The following VSIG10 variants were observed in gnomAD, a reference collection of about 807,000 sequenced individuals.
The protein encoded by VSIG10 is V-set and immunoglobulin domain containing 10.
VSIG10 carries 48 observed loss-of-function variants against 58.7 expected under a neutral mutation model. That is an observed-to-expected ratio of 0.82 (90% CI 0.65 to 1.04). VSIG10 has a LOEUF of 1.04. VSIG10 is among the 50% of genes least tolerant of loss of function. The pLI is 0.00. For synonymous variants in VSIG10, 260 were observed against 267.1 expected, an observed-to-expected ratio of 0.97 and a Z score of 0.26; for missense variants, 628 against 670.0, an observed-to-expected ratio of 0.94 and a Z score of 0.69.
At chr12:118,083,412 T>C (rs546287390) in intron 2 of VSIG10, among the ~76,000 whole-genome samples, 1 of 151,802 alleles carries the variant, frequency 6.6e-6, no homozygotes, top group African/African-American at 2.4e-5. Flanking sequence ...ATCATGTCTC[T>C]ACAAAAAATA....
At chr12:118,079,662 T>C (rs1289011467) in intron 3 of VSIG10, 56 bp from the exon 4 acceptor site, 2 of 1,595,568 alleles carry the variant, frequency 1.3e-6, no homozygotes, top group Non-Finnish European at 1.7e-6. Context: ...GATCAGCCAC[T>C]GGACTGGCTC....
rs1406721263 is a variant in VSIG10 at position 118,064,271 on chromosome 12, G to A, written c.*2368C>T. 1 of 152,200 alleles carries A rather than the reference G, an allele frequency of 6.6e-6. No homozygotes were observed. The highest frequency in any genetic ancestry group is 1.5e-5 in the Non-Finnish European group (1 of 68,054). The allele number at this position is 152,200 out of a possible 1,614,324, so 9.4% of individuals were successfully genotyped here. A position where few individuals can be genotyped will look rare whatever the true frequency, so the allele number is the denominator to read the frequency against. On this transcript the variant is annotated 3_prime_UTR_variant, in exon 9 of 9. Transcript: ENST00000359236. ...GATATGTGACAGCAGTCACAGCTCA[G>A]CTGGTCAAAGGTTTATAGTGTTTGA... is the stretch of plus-strand genomic sequence containing the variant.
At chr12:118,080,292 G>T (rs571752188) in intron 3 of VSIG10, among the ~76,000 whole-genome samples, 14 of 151,260 alleles carry the variant, frequency 9.3e-5, no homozygotes, top group Non-Finnish European at 1.9e-4. Context: ...GAGCTACCGC[G>T]CCCAGCCTCA....
intron 1 of VSIG10, among the ~76,000 whole-genome samples, chr12:118,097,370 C>T (rs753910324): frequency 1.2e-4 from 19 of 152,274 alleles, no homozygotes; most frequent in Non-Finnish European, 2.1e-4. Context: ...TTCCAGCACG[C>T]TGGGAGGCCG....
At chr12:118,096,563 A>G (rs2033464426) in intron 1 of VSIG10, among the ~76,000 whole-genome samples, 1 of 141,924 alleles carries the variant, frequency 7.0e-6, no homozygotes, top group Non-Finnish European at 1.5e-5. Context: ...GGGCAACAAG[A>G]GCGTAACTCC....
At chr12:118,070,819 T>G in intron 7 of VSIG10, 1 of 578,392 alleles carries the variant, frequency 1.7e-6, no homozygotes, top group Non-Finnish European at 3.1e-6. Context: ...TTGCAGAAAT[T>G]ACTTCACTGA....
At position 118,080,850 on chromosome 12, in the gene VSIG10, G is replaced by C. The variant is rs778849039; in HGVS notation, c.665-1244C>G. On this transcript the variant is annotated intron_variant, in intron 3 of 8. Coordinates refer to ENST00000359236, the MANE Select transcript of VSIG10 (RefSeq NM_019086.6). ...ACCCACAGGGACAGAATGCGGATTG[G>C]GGGTTGTCCAGGTCTGGGGAAAAGA... Among the ~76,000 whole-genome samples, 4 of 152,140 alleles carry C rather than the reference G, an allele frequency of 2.6e-5. No homozygotes were observed. In the South Asian group the frequency reaches 8.3e-4, roughly 31 times the overall value.
chr12:118,086,768 T>C (rs554805112), intron 2 of VSIG10, among the ~76,000 whole-genome samples: 2 of 152,298 alleles, frequency 1.3e-5, no homozygotes, highest in East Asian at 1.9e-4. Flanking sequence ...TATTTACTTA[T>C]GTATTTTTTT....
At chr12:118,087,574 T>C (rs979722257) in intron 2 of VSIG10, among the ~76,000 whole-genome samples, 6 of 152,008 alleles carry the variant, frequency 3.9e-5, no homozygotes, top group Non-Finnish European at 7.4e-5. Context: ...AGGTGGTTCA[T>C]ATCTGTAAGC....
chr12:118,098,280 TCCGC>T lies in VSIG10; in HGVS notation c.80-2470_80-2467del, dbSNP rs1331485078. 6.2e-5 allele frequency among the ~76,000 whole-genome samples: 8 copies of T among 130,006 alleles called. No individual in the cohort carries two copies. The South Asian group carries it at 1.0e-3, about 17-fold the overall frequency. The allele number at this position is 130,006 out of a possible 152,430, so 85.3% of individuals were successfully genotyped here. ...CTCTCTCTCCGCCTCTCCCTCTCTC[TCCGC>T]CTCTCCCTCTCTCTCCGCCTCTCCC... On this transcript the variant is annotated intron_variant, in intron 1 of 8. Coordinates refer to ENST00000359236, the MANE Select transcript of VSIG10 (RefSeq NM_019086.6).
In VSIG10 at chr12:118,095,816, T is replaced by G; in HGVS notation, c.80-2A>C. ...CTCCAATGACAACAGCCTCCAATCC[T>G]GTACAAGGCAAGATCAGGCTGTTAC... On this transcript the variant is annotated splice_acceptor_variant, in intron 1 of 8. Transcript: ENST00000359236. LOFTEE classifies it high-confidence loss of function. 1 of 1,604,736 alleles carries G rather than the reference T, an allele frequency of 6.2e-7. No individual in the cohort carries two copies. The highest frequency in any genetic ancestry group is 1.7e-5 in the Admixed American group (1 of 58,534).
At chr12:118,076,815 C>T (rs570355889) in intron 4 of VSIG10, among the ~76,000 whole-genome samples, 2 of 151,148 alleles carry the variant, frequency 1.3e-5, no homozygotes, top group Admixed American at 1.3e-4. Flanking sequence ...ACCACCATGC[C>T]CAGCTACTTT....
chr12:118,077,547 A>T (rs1297916396), intron 4 of VSIG10, among the ~76,000 whole-genome samples: 1 of 151,572 alleles, frequency 6.6e-6, no homozygotes, highest in Non-Finnish European at 1.5e-5. Flanking sequence ...ATTCTCTGAC[A>T]CTCCTCCCTT....
In VSIG10 at chr12:118,095,576, G is replaced by A. The variant is rs1178695902; in HGVS notation, c.318C>T (p.Ile106=). The change falls in exon 2 of 9, where the codon ATC becomes ATT. Residue 106 remains isoleucine, a synonymous_variant. Transcript: ENST00000359236. ...GDEGIYTCQE[I]LNVTQWFQVW... is the part of the protein sequence containing the mutation. ...CTTGGAACCACTGAGTCACATTCAGGATCTCCTGGCAGGTGTAGATTCCCT... is the reference window on the plus strand; with the variant it reads ...CTTGGAACCACTGAGTCACATTCAGAATCTCCTGGCAGGTGTAGATTCCCT... 6.2e-7 allele frequency: 1 copy of A among 1,613,772 alleles called. No homozygotes were observed. The highest frequency in any genetic ancestry group is 1.3e-5 in the African/African-American group (1 of 74,890).
At chr12:118,077,224 C>T (rs1196326451) in intron 4 of VSIG10, among the ~76,000 whole-genome samples, 4 of 152,130 alleles carry the variant, frequency 2.6e-5, no homozygotes, top group Non-Finnish European at 5.9e-5. Context: ...TTTGTTTCCA[C>T]CTCAGGGCCT....
rs544139543 is a variant in VSIG10, at chr12:118,094,105, T to C, written c.361+1428A>G. ...TCAGGCAGTCTGACTTGACTCCATA[T>C]GTTTTTTTTAGAGGCAGGGTCTCCC... On this transcript the variant is annotated intron_variant, in intron 2 of 8. Transcript: ENST00000359236. Among the ~76,000 whole-genome samples the C allele has an allele frequency of 2.6e-5, 4 of 152,160 alleles. No homozygotes were observed. In the East Asian group the frequency reaches 7.7e-4, roughly 29 times the overall value.
Position 118,082,378 on chromosome 12 carries a change from T to C in VSIG10, c.413A>G (p.Asn138Ser), listed in dbSNP as rs369510432. 2.0e-5 allele frequency: 32 copies of C among 1,613,670 alleles called. No individual in the cohort carries two copies. The highest frequency in any genetic ancestry group is 9.9e-5 in the South Asian group (9 of 91,062). ...VHIVATGTLP[N>S]GTLYAARGSQ... Reference sequence around the variant, plus strand: ...GCCCCTGGCTGCGTAGAGGGTGCCGTTGGGGAGTGTGCCGGTGGCCACGAT... The same window carrying C: ...GCCCCTGGCTGCGTAGAGGGTGCCGCTGGGGAGTGTGCCGGTGGCCACGAT... The change falls in exon 3 of 9, where the codon AAC becomes AGC. Residue 138 changes from asparagine to serine, a missense_variant. By Grantham distance (46) the Asn-to-Ser change is conservative (BLOSUM62 1). Transcript: ENST00000359236.
intron 3 of VSIG10, 44 bp downstream of exon 3, chr12:118,082,082 AG>A (rs2032972567): frequency 6.4e-7 from 1 of 1,566,352 alleles, no homozygotes; most frequent in Non-Finnish European, 8.7e-7. Flanking sequence ...AAGTTCACAA[AG>A]GGTTAAGGGG....
intron 3 of VSIG10, among the ~76,000 whole-genome samples, chr12:118,080,495 T>C (rs1404158370): frequency 6.6e-6 from 1 of 152,078 alleles, no homozygotes; most frequent in Admixed American, 6.6e-5. Context: ...TCGTCCAAGA[T>C]ATTTGTGTAT....
Sources: allele counts gnomAD v4.1 joint callset (sites outside exome capture counted in the v4.1 genomes callset), GRCh38; gene constraint gnomAD v4.1.1; transcripts MANE v1.5; gene names NCBI Gene and HGNC (gene_info 2026-07-23, HGNC 2026-07-21).